Variants in DPH7 observed in about 807,000 individuals in gnomAD.
DPH7 encodes diphthine methyltransferase.
DPH7 carries 44 observed loss-of-function variants against 41.7 expected under a neutral mutation model. The ratio of observed to expected loss-of-function variants is 1.05; its 90% CI spans 0.83 to 1.36. The LOEUF (loss-of-function observed/expected upper bound fraction) is 1.36. Ranked by LOEUF, DPH7 falls within the 40% of genes most tolerant of loss-of-function variation. The pLI, the probability that DPH7 is intolerant of heterozygous loss-of-function variation, is 0.00. For synonymous variants in DPH7, 275 were observed against 238.0 expected (o/e 1.16, Z -1.43); for missense variants, 629 against 577.5 (o/e 1.09, Z -0.91).
rs57573451 is a variant in DPH7 at position 137,556,684 on chromosome 9, G to C, written c.950-1036C>G. ...GAGCAGCATGTGTGGGGCGACCCTC[G>C]GGAGGAAGCCCCTGGGGAGGCCGTT... On this transcript the variant is annotated intron_variant, in intron 8 of 8. Coordinates refer to ENST00000277540, the MANE Select transcript of DPH7 (RefSeq NM_138778.5). The surrounding 1 kb of genome is among the most constrained non-coding windows in gnomAD (Gnocchi z 5.2). 15 of 372,504 alleles carry C rather than the reference G, an allele frequency of 4.0e-5. No individual in the cohort carries two copies. The allele number at this position is 372,504 out of a possible 1,614,324, so 23.1% of individuals were successfully genotyped here.
intron 7 of DPH7, 27 bp downstream of exon 7, chr9:137,564,865 AG>A (rs1839305106): frequency 6.3e-7 from 1 of 1,578,118 alleles, no homozygotes; most frequent in African/African-American, 1.4e-5. Context: ...AGAGACGAGA[AG>A]GGCCCGAGAG....
In DPH7 at chr9:137,578,417, C is replaced by T. The variant is rs1019328995; in HGVS notation, c.153+208G>A. On this transcript the variant is annotated intron_variant, in intron 1 of 8. Coordinates refer to ENST00000277540, the MANE Select transcript of DPH7 (RefSeq NM_138778.5). ...TCCTGACCTCGTGATCCGTCCGCCT[C>T]GGCCTCCCAAAGTGCTGGGATTACA... The T allele has an allele frequency of 7.5e-5, 37 of 495,790 alleles. No homozygotes were observed. In the South Asian group the frequency reaches 1.1e-3, roughly 15 times the overall value. 30.7% of individuals were successfully genotyped at this position (495,790 alleles called of 1,614,324 possible).
At chr9:137,569,271 TCACC>T (rs1839962642) in intron 5 of DPH7, among the ~76,000 whole-genome samples, 1 of 40,812 alleles carries the variant, frequency 2.5e-5, no homozygotes, top group Non-Finnish European at 4.8e-5. Context: ...CCCCCCGACC[TCACC>T]CTATCCAAAA....
chr9:137,569,535 C>G (rs1386760150), intron 5 of DPH7, among the ~76,000 whole-genome samples: 1 of 97,906 alleles, frequency 1.0e-5, no homozygotes. Context: ...ATCCAACAAT[C>G]TACCATCCAT....
chr9:137,573,253 C>T (rs1034105482), intron 5 of DPH7, among the ~76,000 whole-genome samples: 5 of 147,516 alleles, frequency 3.4e-5, no homozygotes, highest in African/African-American at 1.3e-4. Flanking sequence ...CCCAGTTACT[C>T]GGGAGGCTGA....
At chr9:137,555,681 C>A (rs894797208) in intron 8 of DPH7, 33 bp from the exon 9 acceptor site, 5 of 1,548,882 alleles carry the variant, frequency 3.2e-6, no homozygotes, top group Non-Finnish European at 4.4e-6. Flanking sequence ...CCAGGAAACA[C>A]AACATCACCC....
At chr9:137,569,574 AT>A in intron 5 of DPH7, among the ~76,000 whole-genome samples, 1 of 91,658 alleles carries the variant, frequency 1.1e-5, no homozygotes, top group African/African-American at 4.5e-5. Context: ...CCAAAAATCC[AT>A]CCATCCACCC....
chr9:137,555,305 G>A lies in DPH7; in HGVS notation c.1293C>T (p.Phe431=), dbSNP rs1837270862. 2 of 1,613,980 alleles carry A rather than the reference G, an allele frequency of 1.2e-6. No homozygotes were observed. Among genetic ancestry groups the A allele is most frequent in the Non-Finnish European group, 1.7e-6 (2 of 1,179,916 alleles). ...AGAAGGAGCAGGTGGCCAGGAGGCT[G>A]AAGGCTGAGTCTGCTTCTTCTGGGT... ...GVNPEEADSA[F]SLLATCSFYD... The change falls in exon 9 of 9, where the codon TTC becomes TTT. Residue 431 remains phenylalanine (F), a synonymous_variant. Coordinates refer to ENST00000277540, the MANE Select transcript of DPH7 (RefSeq NM_138778.5).
chr9:137,564,014 G>A (rs910583557), intron 8 of DPH7, among the ~76,000 whole-genome samples: 12 of 152,182 alleles, frequency 7.9e-5, no homozygotes, highest in Non-Finnish European at 2.9e-5. Flanking sequence ...CAGAGTGTGA[G>A]AAAGGGATGA....
chr9:137,558,320 C>T (rs1837879600), intron 8 of DPH7, among the ~76,000 whole-genome samples: 2 of 152,092 alleles, frequency 1.3e-5, no homozygotes, highest in African/African-American at 4.8e-5. Flanking sequence ...CTGCTTGTGT[C>T]CAGGTGGTCC....
At chr9:137,563,180 C>T (rs913919938) in intron 8 of DPH7, among the ~76,000 whole-genome samples, 1 of 151,140 alleles carries the variant, frequency 6.6e-6, no homozygotes, top group Non-Finnish European at 1.5e-5. Flanking sequence ...ATACAAAGCA[C>T]ATTCACAGAA....
chr9:137,561,022 A>AC (rs1838464764), intron 8 of DPH7, among the ~76,000 whole-genome samples: 1 of 88,940 alleles, frequency 1.1e-5, no homozygotes, highest in Admixed American at 1.2e-4. Context: ...ACCCCATCTC[A>AC]AAAAAAAAAA....
chr9:137,561,791 G>A (rs951052578), intron 8 of DPH7, among the ~76,000 whole-genome samples: 9 of 152,140 alleles, frequency 5.9e-5, no homozygotes, highest in Non-Finnish European at 1.0e-4. Flanking sequence ...CCCAAAATAC[G>A]TGAAGTAAAA....
Position 137,564,618 on chromosome 9 carries a change from C to G in DPH7, c.777-12G>C. ...TGTGTTCATCATAGCTGAAACCGAC[C>G]AACCACAGGAGGCATATAAGGAAAG... is the stretch of plus-strand genomic sequence containing the variant. On this transcript the variant is annotated splice_polypyrimidine_tract_variant and intron_variant, in intron 7 of 8. Transcript: ENST00000277540. 1 of 1,605,402 alleles carries G rather than the reference C, an allele frequency of 6.2e-7. No homozygotes were observed. The highest frequency in any genetic ancestry group is 8.5e-7 in the Non-Finnish European group (1 of 1,173,054).
rs540866446 is a variant in DPH7 at position 137,554,819 on chromosome 9, G to T, written c.*420C>A. On this transcript the variant is annotated 3_prime_UTR_variant, in exon 9 of 9. Transcript: ENST00000277540. ...AAAGTTTTGGGATTTTGGATTTTTG[G>T]ACTGGCTGTGCTCAATCTATACAAG... 5.9e-4 allele frequency: 92 copies of T among 156,432 alleles called. 1 individual carries two copies. The South Asian group carries it at 0.019, about 32-fold the overall frequency. 9.7% of individuals were successfully genotyped at this position (156,432 alleles called of 1,614,324 possible).
At chr9:137,569,772 T>A (rs1030846951) in intron 5 of DPH7, among the ~76,000 whole-genome samples, 10 of 127,534 alleles carry the variant, frequency 7.8e-5, no homozygotes, top group Admixed American at 1.6e-4. Flanking sequence ...CCACCATCCA[T>A]CTATCCAGTC....
intron 8 of DPH7, among the ~76,000 whole-genome samples, chr9:137,561,333 A>G (rs543759764): frequency 7.2e-5 from 11 of 152,120 alleles, no homozygotes; most frequent in Non-Finnish European, 1.2e-4. Flanking sequence ...GTTTCCTGGC[A>G]AAAATGCACG....
At chr9:137,577,911 G>A in intron 1 of DPH7, 1 of 959,274 alleles carries the variant, frequency 1.0e-6, no homozygotes, top group Non-Finnish European at 1.2e-6. Flanking sequence ...GCCCAATTTG[G>A]ATCCTAATAT....
intron 5 of DPH7, among the ~76,000 whole-genome samples, chr9:137,571,174 A>C (rs1840363263): frequency 6.6e-6 from 1 of 151,884 alleles, no homozygotes; most frequent in Non-Finnish European, 1.5e-5. Context: ...CCATCCTCAA[A>C]ATGTATTTAT....
Sources: gnomAD v4.1 joint callset for allele counts (sites outside exome capture counted in the v4.1 genomes callset) on GRCh38, gnomAD v4.1.1 for gene constraint, Gnocchi (gnomAD v3.1) non-coding constraint, MANE v1.5 for transcripts, NCBI Gene and HGNC (gene_info 2026-07-23, HGNC 2026-07-21) for gene names.